ARHGAP11A: variants seen among roughly 807,000 people sequenced by gnomAD.
ARHGAP11A encodes the protein Rho GTPase activating protein 11A, also known as rho GTPase-activating protein 11A.
Under a neutral mutation model 60.5 loss-of-function variants are expected in ARHGAP11A, and 36 were observed. The ratio of observed to expected loss-of-function variants is 0.59; its 90% CI spans 0.46 to 0.79. The LOEUF is 0.79. ARHGAP11A is among the 30% of genes least tolerant of loss of function. ARHGAP11A has a pLI of 0.00. For synonymous variants in ARHGAP11A, 362 were observed against 415.5 expected (o/e 0.87, Z 1.57); for missense variants, 1,071 against 1,199.2 (o/e 0.89, Z 1.58).
chr15:32,616,202 C>G lies in ARHGAP11A; in HGVS notation c.-10C>G, dbSNP rs1391047742. On this transcript the variant is annotated 5_prime_UTR_variant, in exon 1 of 12. Transcript: ENST00000361627. ...GCATCCTGCCTCAGAGAGTTATCGA[C>G]GTATCCGGAATGTGGGATCAGAGGC... is the stretch of plus-strand genomic sequence containing the variant. 1.2e-6 allele frequency: 2 copies of G among 1,613,990 alleles called. No individual in the cohort carries two copies. Among genetic ancestry groups the G allele is most frequent in the Non-Finnish European group, 1.7e-6 (2 of 1,179,938 alleles).
chr15:32,633,193 C>T, intron 9 of ARHGAP11A, 85 bp downstream of exon 9: 2 of 1,470,884 alleles, frequency 1.4e-6, no homozygotes, highest in South Asian at 1.3e-5. Context: ...TTCTGTCAAG[C>T]ATCATATTTG....
intron 2 of ARHGAP11A, among the ~76,000 whole-genome samples, chr15:32,622,622 G>A (rs2053363964): frequency 1.3e-5 from 2 of 151,818 alleles, no homozygotes; most frequent in Admixed American, 6.6e-5. Flanking sequence ...GTTGGTAGCC[G>A]ATATTCATTC....
intron 2 of ARHGAP11A, among the ~76,000 whole-genome samples, chr15:32,622,332 C>T (rs2053353805): frequency 6.6e-6 from 1 of 152,244 alleles, no homozygotes; most frequent in Non-Finnish European, 1.5e-5. Flanking sequence ...GTGGGAGGAT[C>T]ACTTGCGCCC....
chr15:32,625,753 G>C, intron 6 of ARHGAP11A, 120 bp downstream of exon 6: 1 of 1,034,456 alleles, frequency 9.7e-7, no homozygotes, highest in South Asian at 1.6e-5. Context: ...CAGCTGGAAA[G>C]ATAGGACGTA....
rs911514679 is a variant in ARHGAP11A, at chr15:32,627,670, A to C, written c.863-1058A>C. On this transcript the variant is annotated intron_variant, in intron 6 of 11. Coordinates refer to ENST00000361627, the MANE Select transcript of ARHGAP11A (RefSeq NM_014783.6). ...TGTGAACCTGGGAGGCGGAGGTTGTAGTTGGCTGAGATCGGGCCACTGCAC... is the reference window on the plus strand; with the variant it reads ...TGTGAACCTGGGAGGCGGAGGTTGTCGTTGGCTGAGATCGGGCCACTGCAC... Among the ~76,000 whole-genome samples, 964 of 152,160 alleles carry C rather than the reference A, an allele frequency of 6.3e-3. 5 individuals are homozygous for C. Among genetic ancestry groups the C allele is most frequent in the African/African-American group, 0.02 (827 of 41,516 alleles).
In ARHGAP11A at chr15:32,637,511, T is replaced by G; in HGVS notation, c.2738T>G (p.Ile913Ser). 1 of 1,613,940 alleles carries G rather than the reference T, an allele frequency of 6.2e-7. No individual in the cohort carries two copies. The highest frequency in any genetic ancestry group is 8.5e-7 in the Non-Finnish European group (1 of 1,180,008). ...QKSMSCEESN[I>S]GAISKSSMEL... ...TCCATGTCATGTGAAGAGTCAAATA[T>G]TGGTGCAATTTCAAAGTCAAGCATG... Residue 913 changes from isoleucine (I) to serine (S), a missense_variant, in exon 12 of 12, where the codon ATT (isoleucine) becomes AGT (serine). Physicochemically the swap from Ile to Ser is moderately radical, Grantham distance 142 (BLOSUM62 -2). Around this residue, in one of 4 missense-constraint regions of ARHGAP11A, gnomAD observed 776 missense variants for 760.2 expected, o/e 1.02. Coordinates refer to ENST00000361627, the MANE Select transcript of ARHGAP11A (RefSeq NM_014783.6).
At position 32,636,800 on chromosome 15, in the gene ARHGAP11A, C is replaced by A. The variant is rs1052705158; in HGVS notation, c.2027C>A (p.Pro676His). 7.5e-6 allele frequency: 12 copies of A among 1,609,394 alleles called. No individual in the cohort carries two copies. The African/African-American group carries it at 1.5e-4, about 20-fold the overall frequency. ...EKCFSERDFS[P>H]LQTQTFNRET... Reference sequence around the variant, plus strand: ...TGTTTTTCAGAGAGGGACTTTTCACCCCTTCAAACTCAAACATTTAATAGA... The same window carrying A: ...TGTTTTTCAGAGAGGGACTTTTCACACCTTCAAACTCAAACATTTAATAGA... The change falls in exon 12 of 12, where the codon CCC (proline) becomes CAC (histidine). Residue 676 changes from proline to histidine, a missense_variant. Physicochemically the swap from Pro to His is moderately conservative, Grantham distance 77. Transcript: ENST00000361627.
At chr15:32,621,070 C>T (rs2053284127) in intron 2 of ARHGAP11A, among the ~76,000 whole-genome samples, 1 of 144,992 alleles carries the variant, frequency 6.9e-6, no homozygotes, top group Admixed American at 7.0e-5. Context: ...GACCATGTCT[C>T]TTGAAAACAA....
chr15:32,622,310 C>A (rs909273763), intron 2 of ARHGAP11A, among the ~76,000 whole-genome samples: 1 of 152,252 alleles, frequency 6.6e-6, no homozygotes, highest in Non-Finnish European at 1.5e-5. Flanking sequence ...CCCAGCTAGT[C>A]GGGAGGCTGA....
rs1438513770 is a variant in ARHGAP11A, at chr15:32,616,299, T to C, written c.88T>C (p.Cys30Arg). 1.9e-6 allele frequency: 3 copies of C among 1,613,960 alleles called. No homozygotes were observed. Among genetic ancestry groups the C allele is most frequent in the Admixed American group, 1.7e-5 (1 of 60,010 alleles). Residue 30 changes from cysteine to arginine, a missense_variant, in exon 1 of 12, where the codon TGC becomes CGC. Cys to Arg is a radical substitution (Grantham distance 180). Around this residue, in one of 4 missense-constraint regions of ARHGAP11A, gnomAD observed 71 missense variants for 142.4 expected, o/e 0.50. Transcript: ENST00000361627. ...TAAGGTGAAGGGTGTCCGTGGGCAG[T>C]GCGATCGCAGGAGACATGAAACAGC... ...GIKVKGVRGQCDRRRHETAAT... is the reference protein window; with the variant it reads ...GIKVKGVRGQRDRRRHETAAT...
intron 6 of ARHGAP11A, among the ~76,000 whole-genome samples, chr15:32,627,539 C>T (rs1168008176): frequency 1.3e-5 from 2 of 151,914 alleles, no homozygotes. Flanking sequence ...ACCATCCTAG[C>T]TAACACAGTG....
intron 6 of ARHGAP11A, among the ~76,000 whole-genome samples, chr15:32,627,021 A>G (rs1221638861): frequency 6.6e-6 from 1 of 152,176 alleles, no homozygotes; most frequent in East Asian, 1.9e-4. Context: ...AAAACTTCCT[A>G]TCCCCAATGG....
rs1313986236 is a variant in ARHGAP11A at position 32,623,485 on chromosome 15, CTT to C, written c.201-5_201-4del. 6.2e-7 allele frequency: 1 copy of C among 1,609,902 alleles called. No homozygotes were observed. Among genetic ancestry groups the C allele is most frequent in the East Asian group, 2.2e-5 (1 of 44,852 alleles). Reference sequence around the variant, plus strand: ...TGTCTAGCCACCTGAAAAAATCTCTCTTTCAGCTTTCTTGTCGATGCTTGCAC... The same window carrying C: ...TGTCTAGCCACCTGAAAAAATCTCTCTCAGCTTTCTTGTCGATGCTTGCAC... On this transcript the variant is annotated splice_region_variant and splice_polypyrimidine_tract_variant and intron_variant, in intron 2 of 11. Coordinates refer to ENST00000361627, the MANE Select transcript of ARHGAP11A (RefSeq NM_014783.6).
chr15:32,633,909 C>G, intron 9 of ARHGAP11A, 24 bp from the exon 10 acceptor site: 1 of 1,482,374 alleles, frequency 6.7e-7, no homozygotes, highest in Non-Finnish European at 9.2e-7. Flanking sequence ...TATAAACTGA[C>G]ATTTTTAATT....
intron 2 of ARHGAP11A, among the ~76,000 whole-genome samples, chr15:32,621,681 T>G (rs1422622528): frequency 2.0e-5 from 3 of 152,300 alleles, no homozygotes; most frequent in Admixed American, 6.5e-5. Context: ...AAACATTAGC[T>G]GAGTGTGGTA....
At chr15:32,631,072 A>G (rs1235638429) in intron 8 of ARHGAP11A, among the ~76,000 whole-genome samples, 2 of 152,180 alleles carry the variant, frequency 1.3e-5, no homozygotes, top group Non-Finnish European at 2.9e-5. Context: ...TGCCTAATCA[A>G]TGAATTTTTT....
chr15:32,633,186 T>G, intron 9 of ARHGAP11A, 78 bp downstream of exon 9: 2 of 1,501,632 alleles, frequency 1.3e-6, no homozygotes, highest in African/African-American at 1.4e-5. Context: ...TTTGTCTTTC[T>G]GTCAAGCATC....
chr15:32,616,139 A>G lies in ARHGAP11A; in HGVS notation c.-73A>G, dbSNP rs1265993059. On this transcript the variant is annotated 5_prime_UTR_variant, in exon 1 of 12. Coordinates refer to ENST00000361627, the MANE Select transcript of ARHGAP11A (RefSeq NM_014783.6). ...GGAGTTCAAATTTGAGAGCGTTTGG[A>G]AATTGGAAGACTTGGTGGCGAACGA... The G allele has an allele frequency of 7.8e-6, 12 of 1,531,534 alleles. No homozygotes were observed. The highest frequency in any genetic ancestry group is 1.3e-5 in the South Asian group (1 of 78,586). The allele number at this position is 1,531,534 out of a possible 1,614,324, so 94.9% of individuals were successfully genotyped here.
In ARHGAP11A at chr15:32,625,627, G is replaced by A. The variant is rs1215327069; in HGVS notation, c.856G>A (p.Val286Ile). 3.1e-6 allele frequency: 5 copies of A among 1,613,824 alleles called. No homozygotes were observed. The African/African-American group carries it at 4.0e-5, about 13-fold the overall frequency. ...GEYKRKRRQS[V>I]GDFVSGALNK... is the part of the protein sequence containing the mutation. ...ATATAAGAGAAAGAGAAGACAAAGT[G>A]TAGGAGGTAAGTGGCGGTCCCATTT... The change falls in exon 6 of 12, where the codon GTA becomes ATA. Residue 286 changes from valine to isoleucine, a missense_variant. Val to Ile is a conservative substitution (Grantham distance 29). Transcript: ENST00000361627.
Sources: allele counts gnomAD v4.1 joint callset (sites outside exome capture counted in the v4.1 genomes callset), GRCh38; gene constraint gnomAD v4.1.1; regional missense constraint gnomAD v4.1.1; transcripts MANE v1.5; gene names NCBI Gene and HGNC (gene_info 2026-07-23, HGNC 2026-07-21).